Variants in CPVL observed in about 807,000 individuals in gnomAD.
CPVL encodes carboxypeptidase vitellogenic like, also known as probable serine carboxypeptidase CPVL.
CPVL carries 51 observed loss-of-function variants against 63.7 expected under a neutral mutation model. The observed-to-expected ratio is 0.80, with a 90% CI of 0.64 to 1.01. The LOEUF is 1.01. CPVL is among the 50% of genes least tolerant of loss of function. The pLI is 0.00. For synonymous variants in CPVL, 195 were observed against 206.0 expected (o/e 0.95, Z 0.46); for missense variants, 530 against 573.1 (o/e 0.92, Z 0.77).
intron 12 of CPVL, among the ~76,000 whole-genome samples, chr7:29,007,249 C>T (rs1785283043): frequency 6.6e-6 from 1 of 152,156 alleles, no homozygotes; most frequent in African/African-American, 2.4e-5. Flanking sequence ...TAAATTAGCT[C>T]CCAGAGTACT....
chr7:29,105,104 G>A (rs1028757914), intron 3 of CPVL, among the ~76,000 whole-genome samples: 8 of 152,156 alleles, frequency 5.3e-5, no homozygotes, highest in Middle Eastern at 3.2e-3. Context: ...TGCACTGCTG[G>A]TGGATTTGTA....
intron 1 of CPVL, chr7:29,191,472 C>T (rs1782882965): frequency 6.6e-6 from 1 of 152,168 alleles, no homozygotes; most frequent in Non-Finnish European, 1.5e-5. Context: ...CTGCTAGCCC[C>T]AAGGGCATAG....
At chr7:29,148,090 A>G (rs888474428), upstream of CPVL, among the ~76,000 whole-genome samples, 1 of 152,208 alleles carries the variant, frequency 6.6e-6, no homozygotes, top group Non-Finnish European at 1.5e-5. Context: ...AGAGTCAGCA[A>G]TGTTCGCCCA....
intron 7 of CPVL, among the ~76,000 whole-genome samples, chr7:29,077,895 C>T (rs563534560): frequency 6.6e-5 from 10 of 152,260 alleles, no homozygotes; most frequent in South Asian, 2.1e-4. Flanking sequence ...TAGGCTAGGG[C>T]GACCTACCTT....
intron 11 of CPVL, among the ~76,000 whole-genome samples, chr7:29,041,916 G>C (rs913388250): frequency 6.6e-6 from 1 of 152,082 alleles, no homozygotes; most frequent in African/African-American, 2.4e-5. Flanking sequence ...TGTTAAAATT[G>C]ATTTCACCTG....
intron 11 of CPVL, among the ~76,000 whole-genome samples, chr7:29,040,256 T>C (rs527725625): frequency 6.6e-6 from 1 of 152,258 alleles, no homozygotes; most frequent in Non-Finnish European, 1.5e-5. Context: ...ACCAGTGCCT[T>C]CCCCCTAAGC....
chr7:29,056,011 A>C (rs1790695225), intron 11 of CPVL, among the ~76,000 whole-genome samples: 1 of 152,198 alleles, frequency 6.6e-6, no homozygotes, highest in South Asian at 2.1e-4. Context: ...AAAAAAAGGT[A>C]AATTAATAAA....
intron 1 of CPVL, among the ~76,000 whole-genome samples, chr7:29,123,090 A>T (rs1247360417): frequency 6.6e-6 from 1 of 152,258 alleles, no homozygotes; most frequent in East Asian, 1.9e-4. Flanking sequence ...TTATGCAAAT[A>T]TAATGCCTGC....
intron 11 of CPVL, among the ~76,000 whole-genome samples, chr7:29,051,575 TAATCAAAA>T (rs1790166329): frequency 6.6e-6 from 1 of 152,072 alleles, no homozygotes; most frequent in Non-Finnish European, 1.5e-5. Flanking sequence ...AGGATGGCCA[TAATCAAAA>T]AATCAAAAAA....
At chr7:29,170,683 G>A (rs555581714) in intron 5 of CPVL, among the ~76,000 whole-genome samples, 8 of 152,278 alleles carry the variant, frequency 5.3e-5, no homozygotes, top group Non-Finnish European at 1.2e-4. Context: ...ATGACTTACT[G>A]TATTAGTCTG....
At chr7:29,017,114 C>T (rs1786488327) in intron 12 of CPVL, among the ~76,000 whole-genome samples, 1 of 152,160 alleles carries the variant, frequency 6.6e-6, no homozygotes, top group Admixed American at 6.5e-5. Flanking sequence ...TGGTTTCTCT[C>T]CCACCTCTCA....
intron 11 of CPVL, among the ~76,000 whole-genome samples, chr7:29,042,602 C>G (rs1276897201): frequency 6.6e-6 from 1 of 151,732 alleles, no homozygotes; most frequent in Non-Finnish European, 1.5e-5. Context: ...GACCCTGTCT[C>G]TAAAACAAAA....
chr7:29,087,575 C>T (rs1045931261), intron 6 of CPVL, among the ~76,000 whole-genome samples: 2 of 151,648 alleles, frequency 1.3e-5, no homozygotes, highest in African/African-American at 2.4e-5. Context: ...AAAAGGAAAA[C>T]AAAAACTTGT....
upstream of CPVL, chr7:29,146,981 A>C (rs1396973347): frequency 1.3e-6 from 2 of 1,550,672 alleles, no homozygotes; most frequent in Non-Finnish European, 1.7e-6. Context: ...ACCAAGTGCC[A>C]CTGTCCTGCC....
At chr7:29,000,054 G>T (rs1254119265) in intron 12 of CPVL, among the ~76,000 whole-genome samples, 2 of 152,086 alleles carry the variant, frequency 1.3e-5, no homozygotes. Flanking sequence ...TCTATTTTGG[G>T]TGCCTCCACA....
chr7:29,033,341 A>G (rs1306185458), intron 11 of CPVL, among the ~76,000 whole-genome samples: 1 of 152,114 alleles, frequency 6.6e-6, no homozygotes, highest in African/African-American at 2.4e-5. Flanking sequence ...TGAGCATGAG[A>G]AGCAGGTGGG....
chr7:29,038,390 C>A (rs751283230), intron 11 of CPVL, among the ~76,000 whole-genome samples: 3 of 152,206 alleles, frequency 2.0e-5, no homozygotes, highest in Non-Finnish European at 4.4e-5. Flanking sequence ...CCCAGGAGAT[C>A]CTCACCAGAA....
intron 3 of CPVL, among the ~76,000 whole-genome samples, chr7:29,107,951 G>A (rs1389493264): frequency 6.6e-6 from 1 of 152,176 alleles, no homozygotes; most frequent in Non-Finnish European, 1.5e-5. Flanking sequence ...CTGCCAGAGA[G>A]AACGCCTTTT....
intron 1 of CPVL, among the ~76,000 whole-genome samples, chr7:29,188,747 C>T (rs375174093): frequency 1.1e-4 from 17 of 151,844 alleles, no homozygotes; most frequent in East Asian, 1.9e-4. Flanking sequence ...TGATTTTGGA[C>T]GTTTTGTTAA....
Sources: gnomAD v4.1 joint callset for allele counts (sites outside exome capture counted in the v4.1 genomes callset) on GRCh38, gnomAD v4.1.1 for gene constraint, MANE v1.5 for transcripts, NCBI Gene and HGNC (gene_info 2026-07-23, HGNC 2026-07-21) for gene names.